The following PLCXD3 variants were observed in gnomAD, a reference collection of about 807,000 sequenced individuals.
The protein encoded by PLCXD3 is phosphatidylinositol specific phospholipase C X domain containing 3.
A neutral mutation model predicts 25.5 loss-of-function variants in PLCXD3; 19 were observed. The observed-to-expected ratio is 0.75, with a 90% CI of 0.52 to 1.09. PLCXD3 has a LOEUF of 1.09. Ranked by LOEUF, PLCXD3 falls within the 50% of genes least tolerant of loss-of-function variation. The pLI, the probability that PLCXD3 is intolerant of heterozygous loss-of-function variation, is 0.00. For missense variants in PLCXD3, 411 were observed against 388.1 expected, an observed-to-expected ratio of 1.06 and a Z score of -0.50; for synonymous variants, 174 against 137.6, an observed-to-expected ratio of 1.26 and a Z score of -1.85.
intron 2 of PLCXD3, among the ~76,000 whole-genome samples, chr5:41,338,750 C>G (rs1744053824): frequency 6.6e-6 from 1 of 152,114 alleles, no homozygotes; most frequent in Admixed American, 6.6e-5. Context: ...CATAACCACA[C>G]CATCTGTATC....
intron 2 of PLCXD3, among the ~76,000 whole-genome samples, chr5:41,345,683 TACACACACACAC>T (rs57657516): frequency 0.015 from 2,176 of 146,132 alleles, 66 homozygotes; most frequent in African/African-American, 0.052. Context: ...TACATATGTG[TACACACACACAC>T]ACACACACAC....
Position 41,313,387 on chromosome 5 carries a change from C to A in PLCXD3, c.*230G>T. 2.3e-6 allele frequency: 1 copy of A among 440,980 alleles called. No individual in the cohort carries two copies. Among genetic ancestry groups the A allele is most frequent in the Non-Finnish European group, 4.0e-6 (1 of 252,150 alleles). The allele number at this position is 440,980 out of a possible 1,614,324, so 27.3% of individuals were successfully genotyped here. A position where few individuals can be genotyped will look rare whatever the true frequency, so the allele number is the denominator to read the frequency against. On this transcript the variant is annotated 3_prime_UTR_variant, in exon 3 of 3. Coordinates refer to ENST00000377801, the MANE Select transcript of PLCXD3 (RefSeq NM_001005473.3). ...AAGTTACTGGTCTTTTTTTTTTATTCCTAACACTAGAAGTAGATTTTGCTC... is the reference window on the plus strand; with the variant it reads ...AAGTTACTGGTCTTTTTTTTTTATTACTAACACTAGAAGTAGATTTTGCTC...
At chr5:41,443,840 T>G (rs2150512315) in intron 1 of PLCXD3, among the ~76,000 whole-genome samples, 1 of 152,344 alleles carries the variant, frequency 6.6e-6, no homozygotes, top group African/African-American at 2.4e-5. Context: ...GTAATTTTAC[T>G]TAAAATAGCA....
intron 1 of PLCXD3, among the ~76,000 whole-genome samples, chr5:41,509,240 T>C (rs1037135332): frequency 4.6e-5 from 7 of 152,100 alleles, no homozygotes; most frequent in South Asian, 2.1e-4. Flanking sequence ...CAAGAGGAGG[T>C]AGACCATAAC....
At chr5:41,384,688 T>A (rs1054633647) in intron 1 of PLCXD3, among the ~76,000 whole-genome samples, 17 of 152,038 alleles carry the variant, frequency 1.1e-4, no homozygotes, top group African/African-American at 3.9e-4. Flanking sequence ...AGTAAAAAAA[T>A]TGTAAAAATA....
At chr5:41,489,195 C>T (rs1378717552) in intron 1 of PLCXD3, among the ~76,000 whole-genome samples, 3 of 152,066 alleles carry the variant, frequency 2.0e-5, no homozygotes, top group Non-Finnish European at 2.9e-5. Flanking sequence ...GAATCCTTTC[C>T]CCATTGCTTG....
intron 2 of PLCXD3, among the ~76,000 whole-genome samples, chr5:41,369,272 G>A (rs1745024306): frequency 6.6e-6 from 1 of 152,124 alleles, no homozygotes; most frequent in Admixed American, 6.6e-5. Flanking sequence ...AGTCCATCAT[G>A]ACTCTTCTCA....
intron 1 of PLCXD3, among the ~76,000 whole-genome samples, chr5:41,387,061 A>G (rs1745659814): frequency 6.6e-6 from 1 of 152,084 alleles, no homozygotes; most frequent in Non-Finnish European, 1.5e-5. Context: ...ATGCATGTAT[A>G]AATAAACCTT....
intron 2 of PLCXD3, among the ~76,000 whole-genome samples, chr5:41,319,160 T>C (rs1743386451): frequency 6.6e-6 from 1 of 152,104 alleles, no homozygotes; most frequent in South Asian, 2.1e-4. Context: ...CCTAAAACAA[T>C]AATAGCCAGA....
chr5:41,321,056 T>A (rs995181115), intron 2 of PLCXD3, among the ~76,000 whole-genome samples: 1 of 152,214 alleles, frequency 6.6e-6, no homozygotes, highest in South Asian at 2.1e-4. Flanking sequence ...GGATGCCCAG[T>A]GTCACTGCTG....
chr5:41,508,772 G>T (rs1738942406), intron 1 of PLCXD3, among the ~76,000 whole-genome samples: 2 of 152,222 alleles, frequency 1.3e-5, no homozygotes, highest in South Asian at 4.1e-4. Flanking sequence ...CCATGTGAAA[G>T]AAGCTGTCTA....
chr5:41,353,268 A>ATT (rs11366152), intron 2 of PLCXD3, among the ~76,000 whole-genome samples: 69 of 140,120 alleles, frequency 4.9e-4, no homozygotes, highest in African/African-American at 1.5e-3. Context: ...AATTTTCTGT[A>ATT]TTTTTTTTTT....
At chr5:41,408,370 T>C (rs1177150530) in intron 1 of PLCXD3, among the ~76,000 whole-genome samples, 1 of 152,178 alleles carries the variant, frequency 6.6e-6, no homozygotes, top group Non-Finnish European at 1.5e-5. Flanking sequence ...GCTTCCACTC[T>C]CAGTCTCTTT....
chr5:41,324,076 T>G (rs1743552414), intron 2 of PLCXD3, among the ~76,000 whole-genome samples: 1 of 151,988 alleles, frequency 6.6e-6, no homozygotes, highest in Admixed American at 6.6e-5. Flanking sequence ...ACTTAGATTT[T>G]GAGGAGGAGG....
intron 1 of PLCXD3, among the ~76,000 whole-genome samples, chr5:41,433,197 AC>A (rs1358210805): frequency 9.9e-5 from 15 of 152,186 alleles, no homozygotes; most frequent in Non-Finnish European, 1.9e-4. Flanking sequence ...TTGGACTGCT[AC>A]TTACCAACTG....
At chr5:41,354,848 G>A (rs1257590150) in intron 2 of PLCXD3, among the ~76,000 whole-genome samples, 1 of 151,990 alleles carries the variant, frequency 6.6e-6, no homozygotes, top group Non-Finnish European at 1.5e-5. Flanking sequence ...ACTCTTCTCA[G>A]GAAAACCCTC....
In PLCXD3 at chr5:41,309,466, AT is replaced by A. The variant is rs1197840617; in HGVS notation, c.*4150del. ...GCATATCCTGAGGACACTGTGCATT[AT>A]TTTCTATTAGCAATTCAAAGTGAGC... On this transcript the variant is annotated 3_prime_UTR_variant, in exon 3 of 3. Transcript: ENST00000377801. 2 of 152,488 alleles carry A rather than the reference AT, an allele frequency of 1.3e-5. No homozygotes were observed. Among genetic ancestry groups the A allele is most frequent in the East Asian group, 3.9e-4 (2 of 5,194 alleles). The allele number at this position is 152,488 out of a possible 1,614,324, so 9.4% of individuals were successfully genotyped here. A position where few individuals can be genotyped will look rare whatever the true frequency, so the allele number is the denominator to read the frequency against.
chr5:41,510,333 C>G, intron 1 of PLCXD3, 91 bp downstream of exon 1: 1 of 1,129,590 alleles, frequency 8.9e-7, no homozygotes, highest in Non-Finnish European at 1.3e-6. Context: ...CCGCGGGCAT[C>G]GTGGCAAGTT....
chr5:41,380,892 T>C (rs1223738407), intron 2 of PLCXD3, among the ~76,000 whole-genome samples: 1 of 152,162 alleles, frequency 6.6e-6, no homozygotes, highest in Non-Finnish European at 1.5e-5. Flanking sequence ...GGAAAAACTG[T>C]GATTGCTCAA....
Sources: allele counts gnomAD v4.1 joint callset (sites outside exome capture counted in the v4.1 genomes callset), GRCh38; gene constraint gnomAD v4.1.1; transcripts MANE v1.5; gene names NCBI Gene and HGNC (gene_info 2026-07-23, HGNC 2026-07-21).